POU6F2: variants seen among roughly 807,000 people sequenced by gnomAD.
POU6F2 encodes the protein POU domain, class 6, transcription factor 2.
POU6F2 carries 31 observed loss-of-function variants against 71.3 expected under a neutral mutation model. The ratio of observed to expected loss-of-function variants is 0.43; its 90% confidence interval spans 0.33 to 0.59. POU6F2 has a LOEUF of 0.59. Ranked by LOEUF, POU6F2 falls within the 20% of genes least tolerant of loss-of-function variation. POU6F2 has a pLI of 0.04. For synonymous variants in POU6F2, 347 were observed against 355.7 expected, an observed-to-expected ratio of 0.98 and a Z score of 0.27; for missense variants, 783 against 856.8, an observed-to-expected ratio of 0.91 and a Z score of 1.07.
At chr7:39,260,915 T>C (rs1182585065) in intron 4 of POU6F2, among the ~76,000 whole-genome samples, 2 of 151,134 alleles carry the variant, frequency 1.3e-5, no homozygotes, top group African/African-American at 2.4e-5. Flanking sequence ...ATATATATCA[T>C]ATTATACACA....
At chr7:39,447,658 C>T (rs990861178) in intron 7 of POU6F2, among the ~76,000 whole-genome samples, 1 of 152,138 alleles carries the variant, frequency 6.6e-6, no homozygotes, top group Non-Finnish European at 1.5e-5. Context: ...AAAATTAAGA[C>T]AATGTAATAA....
At chr7:39,417,888 A>T (rs1787716848) in intron 6 of POU6F2, among the ~76,000 whole-genome samples, 2 of 152,246 alleles carry the variant, frequency 1.3e-5, no homozygotes, top group Non-Finnish European at 2.9e-5. Context: ...ATGAAATGAC[A>T]CTAATATATT....
chr7:39,294,972 A>G (rs925676682), intron 4 of POU6F2, among the ~76,000 whole-genome samples: 1 of 152,168 alleles, frequency 6.6e-6, no homozygotes, highest in African/African-American at 2.4e-5. Context: ...GGGAATGATC[A>G]TTTCATTTGG....
intron 1 of POU6F2, among the ~76,000 whole-genome samples, chr7:39,047,725 G>A (rs761025284): frequency 8.2e-4 from 124 of 151,920 alleles, no homozygotes; most frequent in Non-Finnish European, 1.4e-3. Flanking sequence ...AGGAAATTCT[G>A]TTTGATTCCA....
At position 39,464,102 on chromosome 7, in the gene POU6F2, GCAGT is replaced by G. The variant is rs1789011747; in HGVS notation, c.1659-76_1659-73del. ...ACCTGCAGTAAATTCGCCCTGCCAG[GCAGT>G]CAGGCAGGCAGGCAGGAGGCCCACC... On this transcript the variant is annotated intron_variant, in intron 9 of 9. Transcript: ENST00000518318. This position sits in a 1 kb window ranked among gnomAD's most constrained non-coding sequence, Gnocchi z 4.1. The G allele has an allele frequency of 1.3e-6, 2 of 1,506,228 alleles. No homozygotes were observed. The highest frequency in any genetic ancestry group is 1.4e-5 in the African/African-American group (1 of 72,132). The allele number at this position is 1,506,228 out of a possible 1,614,324, so 93.3% of individuals were successfully genotyped here.
At chr7:39,089,281 GT>G (rs1293442839) in intron 2 of POU6F2, among the ~76,000 whole-genome samples, 1 of 152,140 alleles carries the variant, frequency 6.6e-6, no homozygotes, top group African/African-American at 2.4e-5. Context: ...TCTAAAGCCT[GT>G]AGGATAACTA....
chr7:39,283,955 A>G (rs1784609000), intron 4 of POU6F2, among the ~76,000 whole-genome samples: 1 of 152,222 alleles, frequency 6.6e-6, no homozygotes, highest in Non-Finnish European at 1.5e-5. Flanking sequence ...AAACGCTTAA[A>G]CCATTTAAGT....
At chr7:39,430,361 G>A (rs950763373) in intron 6 of POU6F2, among the ~76,000 whole-genome samples, 1 of 152,134 alleles carries the variant, frequency 6.6e-6, no homozygotes, top group Non-Finnish European at 1.5e-5. Flanking sequence ...TTTGTTAAAG[G>A]CACCAATAGT....
intron 1 of POU6F2, among the ~76,000 whole-genome samples, chr7:39,080,293 A>G (rs373068379): frequency 6.6e-6 from 1 of 152,294 alleles, no homozygotes; most frequent in South Asian, 2.1e-4. Flanking sequence ...GTTTTTCTTC[A>G]TGACTAAGGT....
chr7:39,301,202 G>A (rs139483839), intron 4 of POU6F2, among the ~76,000 whole-genome samples: 149 of 152,218 alleles, frequency 9.8e-4, no homozygotes, highest in African/African-American at 2.7e-3. Flanking sequence ...TAGAAGTTTG[G>A]GTTGTGTTTA....
intron 1 of POU6F2, among the ~76,000 whole-genome samples, chr7:39,080,145 AG>A (rs1161396548): frequency 1.3e-5 from 2 of 152,224 alleles, no homozygotes; most frequent in Admixed American, 1.3e-4. Context: ...ATTTTAAAAA[AG>A]TCCTGAAAAG....
intron 2 of POU6F2, among the ~76,000 whole-genome samples, chr7:39,144,454 T>A (rs1170481744): frequency 6.6e-6 from 1 of 152,248 alleles, no homozygotes; most frequent in Non-Finnish European, 1.5e-5. Flanking sequence ...TATGCTATAG[T>A]GTCTATCAGT....
intron 2 of POU6F2, among the ~76,000 whole-genome samples, chr7:39,128,490 A>G (rs1792190040): frequency 6.6e-6 from 1 of 152,194 alleles, no homozygotes. Flanking sequence ...TTACATATAA[A>G]TGGGTTACCA....
chr7:39,227,750 G>C (rs1369504458), intron 4 of POU6F2, among the ~76,000 whole-genome samples: 1 of 151,998 alleles, frequency 6.6e-6, no homozygotes. Context: ...GTAGATACGG[G>C]GTTTCACTGT....
At chr7:39,024,555 G>A (rs1789756790) in intron 1 of POU6F2, among the ~76,000 whole-genome samples, 1 of 152,106 alleles carries the variant, frequency 6.6e-6, no homozygotes, top group Non-Finnish European at 1.5e-5. Context: ...GAATAGGAGT[G>A]GTGAGAGAGG....
chr7:39,272,485 G>A (rs1383854096), intron 4 of POU6F2, among the ~76,000 whole-genome samples: 1 of 152,114 alleles, frequency 6.6e-6, no homozygotes, highest in Non-Finnish European at 1.5e-5. Context: ...AGCTGTAATA[G>A]GAGCCCAATA....
chr7:39,246,089 C>A (rs1319679127), intron 4 of POU6F2, among the ~76,000 whole-genome samples: 1 of 152,158 alleles, frequency 6.6e-6, no homozygotes, highest in East Asian at 1.9e-4. Context: ...AAAGTGAACC[C>A]AAGGCTTTTC....
rs145600644 is a variant in POU6F2 at position 38,996,864 on chromosome 7, C to A, written c.105+18806C>A. 1.4e-3 allele frequency among the ~76,000 whole-genome samples: 212 copies of A among 152,264 alleles called. 1 individual carries two copies. The highest frequency in any genetic ancestry group is 1.8e-3 in the Non-Finnish European group (123 of 68,022). Reference sequence around the variant, plus strand: ...AATCTTGGGCCCTCAGTCACCTTGACTCCCCCCACCTTTAATGAATGGACA... The same window carrying A: ...AATCTTGGGCCCTCAGTCACCTTGAATCCCCCCACCTTTAATGAATGGACA... On this transcript the variant is annotated intron_variant, in intron 1 of 9. Transcript: ENST00000518318.
chr7:39,076,442 C>T (rs1238734685), intron 1 of POU6F2, among the ~76,000 whole-genome samples: 2 of 152,156 alleles, frequency 1.3e-5, no homozygotes, highest in African/African-American at 4.8e-5. Context: ...GTGCAGCAAA[C>T]CCTCGTGGCA....
Sources: allele counts gnomAD v4.1 joint callset (sites outside exome capture counted in the v4.1 genomes callset), GRCh38; gene constraint gnomAD v4.1.1; non-coding constraint Gnocchi (gnomAD v3.1); transcripts MANE v1.5; gene names NCBI Gene and HGNC (gene_info 2026-07-23, HGNC 2026-07-21).